The following PRDM16 variants were observed in gnomAD, a reference collection of about 807,000 sequenced individuals.
PRDM16 encodes the protein histone-lysine N-methyltransferase PRDM16.
In PRDM16, 23 loss-of-function variants were observed where a neutral mutation model predicts 110.6. The ratio of observed to expected loss-of-function variants is 0.21; its 90% CI spans 0.15 to 0.29. The LOEUF is 0.29. Ranked by LOEUF, PRDM16 falls within the 10% of genes least tolerant of loss-of-function variation. The pLI is 1.00. For synonymous variants in PRDM16, 799 were observed against 781.8 expected, an observed-to-expected ratio of 1.02 and a Z score of -0.37; for missense variants, 1,615 against 1,794.3, an observed-to-expected ratio of 0.90 and a Z score of 1.81.
intron 1 of PRDM16, among the ~76,000 whole-genome samples, chr1:3,122,929 G>A (rs867099624): frequency 1.3e-5 from 2 of 152,228 alleles, no homozygotes; most frequent in South Asian, 2.1e-4. Flanking sequence ...GAGGCGGAGC[G>A]CTTGCACGGG....
Position 3,417,573 on chromosome 1 carries a change from C to T in PRDM16, c.2692-255C>T, listed in dbSNP as rs147939723. Among the ~76,000 whole-genome samples, 121 of 152,272 alleles carry T rather than the reference C, an allele frequency of 7.9e-4. 2 individuals carry two copies. Among genetic ancestry groups the T allele is most frequent in the African/African-American group, 2.9e-3 (120 of 41,556 alleles). ...GGCAGTGAGGCTGGTTGCTAAAGAT[C>T]AGTTTCAGCTCCTGCAGGAAAGACC... is the stretch of plus-strand genomic sequence containing the variant. On this transcript the variant is annotated intron_variant, in intron 10 of 16. Transcript: ENST00000270722.
chr1:3,135,618 G>A (rs1160085741), intron 1 of PRDM16, among the ~76,000 whole-genome samples: 23 of 152,132 alleles, frequency 1.5e-4, no homozygotes, highest in Non-Finnish European at 3.4e-4. Flanking sequence ...ACCCGAGCCC[G>A]CCTGACGCGA....
chr1:3,355,693 C>T (rs1181534995), intron 3 of PRDM16, among the ~76,000 whole-genome samples: 1 of 152,214 alleles, frequency 6.6e-6, no homozygotes, highest in African/African-American at 2.4e-5. Flanking sequence ...ACCTCTCAGA[C>T]CACACAGATG....
intron 2 of PRDM16, among the ~76,000 whole-genome samples, chr1:3,235,734 G>A (rs917382581): frequency 2.6e-5 from 4 of 152,184 alleles, no homozygotes; most frequent in Admixed American, 1.3e-4. Context: ...CCAGGACGGC[G>A]GGGGCGGGGT....
chr1:3,254,980 C>A (rs887041540), intron 3 of PRDM16, among the ~76,000 whole-genome samples: 1 of 152,150 alleles, frequency 6.6e-6, no homozygotes, highest in Non-Finnish European at 1.5e-5. Flanking sequence ...TGGAACAGAA[C>A]AGAGCCCTCA....
intron 3 of PRDM16, chr1:3,308,546 G>A (rs1263110215): frequency 1.3e-5 from 2 of 152,296 alleles, no homozygotes; most frequent in Admixed American, 6.5e-5. Flanking sequence ...CTTCCCGTCC[G>A]GTTGAGGAGG....
At position 3,324,279 on chromosome 1, in the gene PRDM16, G is replaced by A. The variant is rs142926596; in HGVS notation, c.439-60873G>A. On this transcript the variant is annotated intron_variant, in intron 3 of 16. Coordinates refer to ENST00000270722, the MANE Select transcript of PRDM16 (RefSeq NM_022114.4). ...AGGAGGGGGCTCCGCCTGCAGGGTC[G>A]CCCCCAGCCTGCCGGGCTCACTCTC... Among the ~76,000 whole-genome samples the A allele has an allele frequency of 3.2e-3, 488 of 152,152 alleles. 2 individuals are homozygous for A. Among genetic ancestry groups the A allele is most frequent in the South Asian group, 0.012 (60 of 4,822 alleles).
Position 3,186,219 on chromosome 1 carries a change from G to A in PRDM16, c.132G>A (p.Ser44=), listed in dbSNP as rs373546344. ...AEDEAEDSAM[S]PIPVGPPSPF... is the part of the protein sequence containing the mutation. ...ACGAGGCCGAGGACAGTGCCATGTC[G>A]CCCATCCCCGTGGGGCCACCGTCCC... Residue 44 remains serine (S), a synonymous_variant, in exon 2 of 17, where the codon TCG becomes TCA. Coordinates refer to ENST00000270722, the MANE Select transcript of PRDM16 (RefSeq NM_022114.4). The A allele has an allele frequency of 7.4e-6, 12 of 1,612,728 alleles. No homozygotes were observed. Among genetic ancestry groups the A allele is most frequent in the Admixed American group, 5.0e-5 (3 of 59,998 alleles).
intron 3 of PRDM16, among the ~76,000 whole-genome samples, chr1:3,305,362 C>T (rs935647932): frequency 1.3e-5 from 2 of 152,124 alleles, no homozygotes; most frequent in African/African-American, 2.4e-5. Flanking sequence ...AGCCCCTGCC[C>T]GTGCAGGGGG....
chr1:3,261,895 C>T (rs185782883), intron 3 of PRDM16, among the ~76,000 whole-genome samples: 1 of 152,322 alleles, frequency 6.6e-6, no homozygotes, highest in Admixed American at 6.5e-5. Context: ...GTCCCATGGG[C>T]CATGAGGCAA....
chr1:3,409,737 GGT>G (rs199507963), intron 8 of PRDM16, among the ~76,000 whole-genome samples: 6,130 of 145,892 alleles, frequency 0.042, 166 homozygotes, highest in Middle Eastern at 0.11. Context: ...GTGTAGTGTG[GGT>G]GTGTGTGTGG....
chr1:3,127,516 C>T lies in PRDM16; in HGVS notation c.37+58220C>T, dbSNP rs529729958. ...CCAGCGAGCCACAGCCTAGCTTCCC[C>T]GGGCACTTGGGGAATCTTTATCGAG... On this transcript the variant is annotated intron_variant, in intron 1 of 16. Coordinates refer to ENST00000270722, the MANE Select transcript of PRDM16 (RefSeq NM_022114.4). Among the ~76,000 whole-genome samples, 16 of 152,322 alleles carry T rather than the reference C, an allele frequency of 1.1e-4. No individual in the cohort carries two copies. In the South Asian group the frequency reaches 2.9e-3, roughly 28 times the overall value.
At chr1:3,093,548 C>A (rs1051916406) in intron 1 of PRDM16, among the ~76,000 whole-genome samples, 5 of 152,128 alleles carry the variant, frequency 3.3e-5, no homozygotes, top group East Asian at 1.9e-4. Flanking sequence ...CGCCCTGGGA[C>A]CCCCGGCATC....
chr1:3,361,686 A>G (rs1283865906), intron 3 of PRDM16, among the ~76,000 whole-genome samples: 2 of 152,218 alleles, frequency 1.3e-5, no homozygotes, highest in Non-Finnish European at 2.9e-5. Context: ...TGGGGTGAAG[A>G]GTGGAACAGA....
chr1:3,337,702 A>ATGCTG (rs1355499644), intron 3 of PRDM16, among the ~76,000 whole-genome samples: 1 of 152,152 alleles, frequency 6.6e-6, no homozygotes, highest in Non-Finnish European at 1.5e-5. Context: ...CCTTGGTGTG[A>ATGCTG]TGCTGTGCGG....
chr1:3,317,789 C>A (rs971340931), intron 3 of PRDM16, among the ~76,000 whole-genome samples: 1 of 152,252 alleles, frequency 6.6e-6, no homozygotes, highest in Admixed American at 6.5e-5. Context: ...TATAGGATTA[C>A]TCCCTTTTAA....
intron 1 of PRDM16, among the ~76,000 whole-genome samples, chr1:3,110,649 T>G (rs2100638348): frequency 6.6e-6 from 1 of 152,384 alleles, no homozygotes; most frequent in South Asian, 2.1e-4. Context: ...CAAGTATTCA[T>G]GCAAATCATT....
chr1:3,269,051 G>A (rs776136398), intron 3 of PRDM16, among the ~76,000 whole-genome samples: 1 of 152,260 alleles, frequency 6.6e-6, no homozygotes, highest in African/African-American at 2.4e-5. Context: ...AGGCGTCTCG[G>A]GCTTGTTTCT....
At chr1:3,335,411 G>A (rs4648477) in intron 3 of PRDM16, among the ~76,000 whole-genome samples, 50,039 of 152,018 alleles carry the variant, frequency 0.33, 8,661 homozygotes, top group East Asian at 0.56. Context: ...CTCCCCTCAG[G>A]GCGTCCGTAG....
Sources: allele counts gnomAD v4.1 joint callset (sites outside exome capture counted in the v4.1 genomes callset), GRCh38; gene constraint gnomAD v4.1.1; transcripts MANE v1.5; gene names NCBI Gene and HGNC (gene_info 2026-07-23, HGNC 2026-07-21).